Variants in PDE4B observed in about 807,000 individuals in gnomAD.
The protein encoded by PDE4B is phosphodiesterase 4B, also known as 3',5'-cyclic-AMP phosphodiesterase 4B.
In PDE4B, 20 loss-of-function variants were observed where a neutral mutation model predicts 82.2. That is an observed-to-expected ratio of 0.24 (90% CI 0.17 to 0.35). PDE4B has a LOEUF of 0.35. Ranked by LOEUF, PDE4B falls within the 10% of genes least tolerant of loss-of-function variation. The probability of loss-of-function intolerance (pLI) is 1.00; values close to 1 mark genes in which losing one functional copy is unlikely to be tolerated. For missense variants in PDE4B, 655 were observed against 907.2 expected, an observed-to-expected ratio of 0.72 and a Z score of 3.57; for synonymous variants, 320 against 318.9, an observed-to-expected ratio of 1.00 and a Z score of -0.04.
At chr1:65,932,002 A>C (rs995455892) in intron 3 of PDE4B, among the ~76,000 whole-genome samples, 7 of 152,226 alleles carry the variant, frequency 4.6e-5, no homozygotes, top group African/African-American at 1.7e-4. Flanking sequence ...ACAGAGCAAG[A>C]AAATGAAAAA....
At chr1:66,279,643 G>C (rs2101775552) in intron 7 of PDE4B, among the ~76,000 whole-genome samples, 1 of 152,092 alleles carries the variant, frequency 6.6e-6, no homozygotes, top group Non-Finnish European at 1.5e-5. Flanking sequence ...ATCAAGATAG[G>C]GACTGTGTCA....
At chr1:66,071,202 G>A (rs1481137470) in intron 3 of PDE4B, among the ~76,000 whole-genome samples, 2 of 151,950 alleles carry the variant, frequency 1.3e-5, no homozygotes, top group African/African-American at 4.8e-5. Flanking sequence ...AAACAATTTT[G>A]TATGACTTAA....
At chr1:66,217,084 A>G (rs1383281344) in intron 3 of PDE4B, among the ~76,000 whole-genome samples, 2 of 152,110 alleles carry the variant, frequency 1.3e-5, no homozygotes, top group South Asian at 2.1e-4. Flanking sequence ...AAGGAAAGTC[A>G]TTAAGTACAA....
chr1:66,284,291 G>T (rs1025596854), intron 7 of PDE4B, among the ~76,000 whole-genome samples: 1 of 151,918 alleles, frequency 6.6e-6, no homozygotes, highest in Admixed American at 6.6e-5. Flanking sequence ...TTCATTATAC[G>T]CCAAGTGTTC....
At chr1:66,176,722 AG>A (rs1646938460) in intron 3 of PDE4B, among the ~76,000 whole-genome samples, 1 of 152,254 alleles carries the variant, frequency 6.6e-6, no homozygotes, top group Non-Finnish European at 1.5e-5. Context: ...TTCTATTTAA[AG>A]TAAACTATTT....
At chr1:66,198,857 G>A (rs918725981) in intron 3 of PDE4B, among the ~76,000 whole-genome samples, 13 of 151,644 alleles carry the variant, frequency 8.6e-5, no homozygotes, top group Admixed American at 3.9e-4. Context: ...GAGAACATGC[G>A]GTGTTTGGTT....
At chr1:66,194,844 A>G (rs78832141) in intron 3 of PDE4B, among the ~76,000 whole-genome samples, 3,864 of 152,218 alleles carry the variant, frequency 0.025, 70 homozygotes, top group Middle Eastern at 0.095. Flanking sequence ...AATTCATAAC[A>G]GAGATTAACA....
intron 8 of PDE4B, among the ~76,000 whole-genome samples, chr1:66,339,861 T>TTG (rs1660837849): frequency 6.6e-6 from 1 of 151,760 alleles, no homozygotes; most frequent in Non-Finnish European, 1.5e-5. Context: ...TTTTTTTTTT[T>TTG]TTAGAATATG....
At chr1:66,044,563 C>G (rs1376993980) in intron 3 of PDE4B, among the ~76,000 whole-genome samples, 1 of 151,626 alleles carries the variant, frequency 6.6e-6, no homozygotes, top group Non-Finnish European at 1.5e-5. Flanking sequence ...AAAACATTGG[C>G]TATATCTTTA....
At chr1:66,327,178 A>G (rs1476002736) in intron 7 of PDE4B, among the ~76,000 whole-genome samples, 8 of 152,182 alleles carry the variant, frequency 5.3e-5, no homozygotes, top group Admixed American at 5.2e-4. Context: ...CTGCTAACTC[A>G]CACACCCATT....
rs1326051597 is a variant in PDE4B at position 66,200,412 on chromosome 1, A to G, written c.282-47048A>G. Among the ~76,000 whole-genome samples the G allele has an allele frequency of 7.2e-5, 11 of 152,176 alleles. 1 individual carries two copies. Among genetic ancestry groups the G allele is most frequent in the Non-Finnish European group, 1.6e-4 (11 of 68,030 alleles). On this transcript the variant is annotated intron_variant, in intron 3 of 16. Transcript: ENST00000341517. ...TCATTGGTAGCTTGATGGGGATGGCACTGAATCTATAAATTACCTTGGGCA... is the reference window on the plus strand; with the variant it reads ...TCATTGGTAGCTTGATGGGGATGGCGCTGAATCTATAAATTACCTTGGGCA...
chr1:66,287,834 A>G (rs536286101), intron 7 of PDE4B, among the ~76,000 whole-genome samples: 1 of 152,092 alleles, frequency 6.6e-6, no homozygotes, highest in African/African-American at 2.4e-5. Context: ...GTAGCTGAGC[A>G]TGGTGGTGTG....
At chr1:66,032,039 G>A (rs968173247) in intron 3 of PDE4B, among the ~76,000 whole-genome samples, 5 of 152,196 alleles carry the variant, frequency 3.3e-5, no homozygotes, top group Admixed American at 2.6e-4. Context: ...TTCTGAGATA[G>A]AGCTGATCTG....
intron 1 of PDE4B, among the ~76,000 whole-genome samples, chr1:65,829,902 A>T (rs2101287904): frequency 6.6e-6 from 1 of 152,314 alleles, no homozygotes; most frequent in East Asian, 1.9e-4. Context: ...TTATAGCTAA[A>T]TGTGTAAATT....
At chr1:66,312,256 G>A (rs747953870) in intron 7 of PDE4B, among the ~76,000 whole-genome samples, 1 of 152,198 alleles carries the variant, frequency 6.6e-6, no homozygotes, top group Non-Finnish European at 1.5e-5. Flanking sequence ...TCACATGGGT[G>A]TTGGTATTAG....
intron 3 of PDE4B, among the ~76,000 whole-genome samples, chr1:66,047,973 C>T (rs957249752): frequency 6.6e-6 from 1 of 151,920 alleles, no homozygotes; most frequent in African/African-American, 2.4e-5. Flanking sequence ...GAATCATTTC[C>T]ACAGAGCATG....
chr1:66,210,573 G>C (rs1649944772), intron 3 of PDE4B, among the ~76,000 whole-genome samples: 1 of 126,080 alleles, frequency 7.9e-6, no homozygotes, highest in Non-Finnish European at 1.6e-5. Context: ...TCCAGCCTGG[G>C]TGACAGAGTG....
chr1:65,808,564 C>T (rs546169209), intron 1 of PDE4B, among the ~76,000 whole-genome samples: 34 of 152,206 alleles, frequency 2.2e-4, no homozygotes, highest in African/African-American at 8.2e-4. Flanking sequence ...AATGGGAGGA[C>T]GTGTTTGAAA....
intron 3 of PDE4B, among the ~76,000 whole-genome samples, chr1:66,041,604 C>T (rs924048687): frequency 1.3e-5 from 2 of 151,864 alleles, no homozygotes; most frequent in African/African-American, 4.8e-5. Context: ...CAAGACGGGG[C>T]TCAATGTCCT....
Sources: gnomAD v4.1 joint callset for allele counts (sites outside exome capture counted in the v4.1 genomes callset) on GRCh38, gnomAD v4.1.1 for gene constraint, MANE v1.5 for transcripts, NCBI Gene and HGNC (gene_info 2026-07-23, HGNC 2026-07-21) for gene names.